The following TACC1 variants were observed in gnomAD, a reference collection of about 807,000 sequenced individuals.
The protein encoded by TACC1 is transforming acidic coiled-coil-containing protein 1.
Under a neutral mutation model 84.4 loss-of-function variants are expected in TACC1, and 48 were observed. That is an observed-to-expected ratio of 0.57 (90% CI 0.45 to 0.72). TACC1 has a LOEUF of 0.72. Among genes scored for constraint, TACC1 ranks in the 30% least tolerant of loss-of-function variants. The pLI is 0.00. For synonymous variants in TACC1, 372 were observed against 376.3 expected (o/e 0.99, Z 0.13); for missense variants, 920 against 973.0 (o/e 0.95, Z 0.72).
intron 9 of TACC1, among the ~76,000 whole-genome samples, chr8:38,841,850 A>G (rs149639415): frequency 2.6e-4 from 39 of 152,292 alleles, no homozygotes; most frequent in Admixed American, 5.9e-4. Flanking sequence ...CATCTATATC[A>G]TAAGGATTGA....
intron 1 of TACC1, among the ~76,000 whole-genome samples, chr8:38,736,763 G>T (rs571323089): frequency 6.6e-6 from 1 of 152,282 alleles, no homozygotes; most frequent in East Asian, 1.9e-4. Context: ...CACATTTATG[G>T]ATACCTTCAT....
rs1830977701 is a variant in TACC1 at position 38,840,228 on chromosome 8, A to G, written c.1921A>G (p.Ile641Val). Residue 641 changes from isoleucine to valine, a missense_variant, in exon 9 of 13, where the codon ATT becomes GTT. Coordinates refer to ENST00000317827, the MANE Select transcript of TACC1 (RefSeq NM_006283.3). Reference protein sequence around the residue: ...TRQEVLEMRKIVAEYEKTIAQ... With the variant: ...TRQEVLEMRKVVAEYEKTIAQ... ...AGTTCTTTTTTTCTCATTTAGGAAA[A>G]TTGTAGCTGAATATGAAAAGACTAT... is the stretch of plus-strand genomic sequence containing the variant. 1 of 1,608,554 alleles carries G rather than the reference A, an allele frequency of 6.2e-7. No homozygotes were observed. The highest frequency in any genetic ancestry group is 1.3e-5 in the African/African-American group (1 of 74,476).
chr8:38,773,065 C>T (rs1342245698), intron 3 of TACC1, among the ~76,000 whole-genome samples: 3 of 152,068 alleles, frequency 2.0e-5, no homozygotes, highest in East Asian at 1.9e-4. Flanking sequence ...CGGTGGCTCA[C>T]GCCTGTAATC....
intron 3 of TACC1, among the ~76,000 whole-genome samples, chr8:38,780,093 TC>T (rs1236984145): frequency 6.6e-6 from 1 of 152,194 alleles, no homozygotes; most frequent in Non-Finnish European, 1.5e-5. Context: ...ACCAAATCTA[TC>T]TTTATTTTGT....
upstream of TACC1, among the ~76,000 whole-genome samples, chr8:38,786,139 C>T (rs1163124017): frequency 3.9e-5 from 6 of 152,236 alleles, no homozygotes; most frequent in South Asian, 1.2e-3. Flanking sequence ...CACCACAACT[C>T]GGAAATTACA....
intron 2 of TACC1, among the ~76,000 whole-genome samples, chr8:38,814,367 G>A (rs530553010): frequency 2.6e-5 from 4 of 152,262 alleles, no homozygotes; most frequent in African/African-American, 9.6e-5. Context: ...TTTGATCAAC[G>A]ACTGACTGCA....
intron 3 of TACC1, among the ~76,000 whole-genome samples, chr8:38,756,579 CG>C (rs1810087821): frequency 6.6e-6 from 1 of 151,992 alleles, no homozygotes; most frequent in Non-Finnish European, 1.5e-5. Context: ...TTTTTCCTTG[CG>C]ACAGAGTTTG....
chr8:38,786,226 A>G (rs1290627658), upstream of TACC1, among the ~76,000 whole-genome samples: 1 of 152,202 alleles, frequency 6.6e-6, no homozygotes, highest in Non-Finnish European at 1.5e-5. Flanking sequence ...ACTTGGAAGA[A>G]GGTGCTTTGG....
intron 1 of TACC1, among the ~76,000 whole-genome samples, chr8:38,739,036 A>G (rs1345464372): frequency 6.6e-6 from 1 of 152,102 alleles, no homozygotes; most frequent in African/African-American, 2.4e-5. Flanking sequence ...GATTACAGGC[A>G]CCTGCCAACA....
At chr8:38,843,570 G>T in intron 11 of TACC1, 175 bp downstream of exon 11, 1 of 390,634 alleles carries the variant, frequency 2.6e-6, no homozygotes. Context: ...AGGTATATCT[G>T]CTCCTGCCTC....
At chr8:38,753,961 T>C (rs1309970991) in intron 3 of TACC1, among the ~76,000 whole-genome samples, 1 of 68,416 alleles carries the variant, frequency 1.5e-5, no homozygotes, top group African/African-American at 4.9e-5. Context: ...ATTTTTTGGG[T>C]TTTTTTTTTT....
intron 8 of TACC1, 82 bp downstream of exon 8, chr8:38,838,628 G>C (rs998649711): frequency 8.5e-7 from 1 of 1,182,928 alleles, no homozygotes; most frequent in Non-Finnish European, 1.3e-6. Context: ...GACAGTGTTT[G>C]CTTGCCACAG....
rs563624299 is a variant in TACC1 at position 38,816,551 on chromosome 8, T to C, written c.278-2971T>C. On this transcript the variant is annotated intron_variant, in intron 2 of 12. Coordinates refer to ENST00000317827, the MANE Select transcript of TACC1 (RefSeq NM_006283.3). Reference sequence around the variant, plus strand: ...AGCAACTGGCTATAAATTTGGGGATTCTCATAACTCCTCTTCTCAGTTTCA... The same window carrying C: ...AGCAACTGGCTATAAATTTGGGGATCCTCATAACTCCTCTTCTCAGTTTCA... Among the ~76,000 whole-genome samples the C allele has an allele frequency of 9.8e-5, 15 of 152,332 alleles. No homozygotes were observed. In the South Asian group the frequency reaches 2.9e-3, roughly 29 times the overall value.
At chr8:38,753,300 C>G (rs1325130614) in intron 3 of TACC1, among the ~76,000 whole-genome samples, 1 of 152,148 alleles carries the variant, frequency 6.6e-6, no homozygotes, top group Non-Finnish European at 1.5e-5. Context: ...ACAGGGGACT[C>G]TCTATGTTGC....
chr8:38,735,748 C>A lies in TACC1; in HGVS notation c.-674-6603C>A, dbSNP rs376840280. The stretch of plus-strand genomic sequence containing the variant: ...CTTTGTAAATGGTCCCTTTATTAAA[C>A]CCTCAAGTCAAAGAGAGAGTGTTAC... On this transcript the variant is annotated intron_variant, in intron 1 of 14. Transcript: ENST00000518415. Among the ~76,000 whole-genome samples the A allele has an allele frequency of 7.2e-5, 11 of 152,264 alleles. 1 individual carries two copies. Among genetic ancestry groups the A allele is most frequent in the African/African-American group, 2.6e-4 (11 of 41,550 alleles).
rs1164292926 is a variant in TACC1, at chr8:38,852,547, C to T, written c.*4524C>T. On this transcript the variant is annotated 3_prime_UTR_variant, in exon 13 of 13. Transcript: ENST00000317827. ...TAAAGAATTTTCAGATGGACATGTA[C>T]AAATTTGAACTCAAACCATCCCCAG... is the stretch of plus-strand genomic sequence containing the variant. 6.6e-6 allele frequency: 1 copy of T among 152,656 alleles called. No homozygotes were observed. Among genetic ancestry groups the T allele is most frequent in the Non-Finnish European group, 1.5e-5 (1 of 68,100 alleles). The allele number at this position is 152,656 out of a possible 1,614,324, so 9.5% of individuals were successfully genotyped here.
intron 3 of TACC1, among the ~76,000 whole-genome samples, chr8:38,764,862 G>T (rs909042742): frequency 1.3e-5 from 2 of 152,156 alleles, no homozygotes; most frequent in Admixed American, 1.3e-4. Context: ...ACTTTGGGAG[G>T]CCAAGGCGGG....
chr8:38,799,192 C>T (rs543232674), intron 2 of TACC1, among the ~76,000 whole-genome samples: 2 of 152,208 alleles, frequency 1.3e-5, no homozygotes, highest in African/African-American at 4.8e-5. Context: ...GGAGTGGGAC[C>T]TTCAGGGCAA....
intron 1 of TACC1, among the ~76,000 whole-genome samples, chr8:38,732,175 AG>A (rs33921755): frequency 0.14 from 18,475 of 134,866 alleles, 1,285 homozygotes; most frequent in African/African-American, 0.21. Context: ...GAAGGAAGGA[AG>A]GAAGGAAGAG....
Sources: gnomAD v4.1 joint callset for allele counts (sites outside exome capture counted in the v4.1 genomes callset) on GRCh38, gnomAD v4.1.1 for gene constraint, MANE v1.5 for transcripts, NCBI Gene and HGNC (gene_info 2026-07-23, HGNC 2026-07-21) for gene names.